The following DDX4 variants were observed in gnomAD, a reference collection of about 807,000 sequenced individuals.
The protein encoded by DDX4 is probable ATP-dependent RNA helicase DDX4.
Under a neutral mutation model 100.0 loss-of-function variants are expected in DDX4, and 25 were observed. That is an observed-to-expected ratio of 0.25 (90% CI 0.18 to 0.35). The LOEUF is 0.35. Ranked by LOEUF, DDX4 falls within the 10% of genes least tolerant of loss-of-function variation. DDX4 has a pLI of 1.00. For synonymous variants in DDX4, 259 were observed against 275.7 expected (o/e 0.94, Z 0.60); for missense variants, 635 against 882.4 (o/e 0.72, Z 3.55).
intron 18 of DDX4, among the ~76,000 whole-genome samples, chr5:55,804,208 G>A (rs1580601630): frequency 6.6e-6 from 1 of 152,184 alleles, no homozygotes; most frequent in South Asian, 2.1e-4. Context: ...GTTCATTGTA[G>A]ATTCTGGATA....
At chr5:55,771,059 T>C (rs1453522266) in intron 7 of DDX4, among the ~76,000 whole-genome samples, 1 of 152,196 alleles carries the variant, frequency 6.6e-6, no homozygotes, top group African/African-American at 2.4e-5. Context: ...CTGATTTCCA[T>C]TCTCTGTAGA....
chr5:55,813,548 T>G, intron 18 of DDX4, 125 bp from the exon 19 acceptor site: 2 of 1,299,130 alleles, frequency 1.5e-6, no homozygotes, highest in Non-Finnish European at 1.0e-6. Context: ...CAGGCTTGGC[T>G]GTGGTGCTGG....
At chr5:55,741,484 G>C (rs945686245) in intron 2 of DDX4, among the ~76,000 whole-genome samples, 1 of 152,126 alleles carries the variant, frequency 6.6e-6, no homozygotes, top group African/African-American at 2.4e-5. Flanking sequence ...TGCCTTCCTA[G>C]GTTGAATAAA....
rs1296920384 is a variant in DDX4, at chr5:55,763,268, T to C, written c.283+16T>C. On this transcript the variant is annotated intron_variant, in intron 5 of 21. Coordinates refer to ENST00000505374, the MANE Select transcript of DDX4 (RefSeq NM_024415.3). ...GGAAACAGAGGTAATTACTTGGTTATGATATCTTACAATCAAAACTTGAGT... is the reference window on the plus strand; with the variant it reads ...GGAAACAGAGGTAATTACTTGGTTACGATATCTTACAATCAAAACTTGAGT... 3.3e-6 allele frequency: 5 copies of C among 1,518,654 alleles called. No homozygotes were observed. Among genetic ancestry groups the C allele is most frequent in the East Asian group, 4.5e-5 (2 of 44,288 alleles). 94.1% of individuals were successfully genotyped at this position (1,518,654 alleles called of 1,614,324 possible).
chr5:55,796,819 C>CTTCCTT (rs1742975921), intron 17 of DDX4, among the ~76,000 whole-genome samples: 1 of 63,452 alleles, frequency 1.6e-5, no homozygotes, highest in Non-Finnish European at 3.6e-5. Context: ...TTTTTTCTTT[C>CTTCCTT]TTTCTTTTTT....
intron 6 of DDX4, among the ~76,000 whole-genome samples, chr5:55,766,596 G>A (rs1433665710): frequency 6.6e-6 from 1 of 152,068 alleles, no homozygotes; most frequent in African/African-American, 2.4e-5. Flanking sequence ...AGGATTGTTT[G>A]TCAGTTGTCA....
At chr5:55,782,333 G>A (rs1018467711) in intron 10 of DDX4, 4 of 198,796 alleles carry the variant, frequency 2.0e-5, no homozygotes, top group Non-Finnish European at 4.2e-5. Context: ...GTCCGGGTGC[G>A]GTGGCTCATG....
intron 6 of DDX4, among the ~76,000 whole-genome samples, chr5:55,767,336 T>C (rs1365994741): frequency 6.6e-6 from 1 of 152,024 alleles, no homozygotes; most frequent in Non-Finnish European, 1.5e-5. Flanking sequence ...AGCTACTCGG[T>C]AGGCTGAGGT....
intron 3 of DDX4, among the ~76,000 whole-genome samples, chr5:55,755,949 C>T (rs947165914): frequency 6.6e-6 from 1 of 152,096 alleles, no homozygotes; most frequent in African/African-American, 2.4e-5. Flanking sequence ...TTTCTAACAG[C>T]ATAGATCAGT....
At chr5:55,738,916 G>A (rs1349912872) in intron 1 of DDX4, 34 bp from the exon 2 acceptor site, 3 of 1,131,826 alleles carry the variant, frequency 2.7e-6, no homozygotes, top group East Asian at 4.7e-5. Flanking sequence ...ATCTAATTGA[G>A]TCCAAATGTG....
rs1002229728 is a variant in DDX4 at position 55,816,793 on chromosome 5, A to G, written c.*253A>G. 8 of 497,744 alleles carry G rather than the reference A, an allele frequency of 1.6e-5. No homozygotes were observed. The highest frequency in any genetic ancestry group is 1.2e-4 in the African/African-American group (6 of 50,740). 30.8% of individuals were successfully genotyped at this position (497,744 alleles called of 1,614,324 possible). Reference sequence around the variant, plus strand: ...TCTAAATGTCTTTCTTATTTCTGGTATATTCTTTAGGGGGCTTAGACATGT... The same window carrying G: ...TCTAAATGTCTTTCTTATTTCTGGTGTATTCTTTAGGGGGCTTAGACATGT... On this transcript the variant is annotated 3_prime_UTR_variant, in exon 22 of 22. Coordinates refer to ENST00000505374, the MANE Select transcript of DDX4 (RefSeq NM_024415.3).
At chr5:55,753,263 T>A (rs1171230396) in intron 3 of DDX4, among the ~76,000 whole-genome samples, 1 of 152,228 alleles carries the variant, frequency 6.6e-6, no homozygotes, top group Non-Finnish European at 1.5e-5. Flanking sequence ...ATGTCCTGAA[T>A]GGTAATGCCT....
chr5:55,741,883 C>A (rs761251845), intron 2 of DDX4, among the ~76,000 whole-genome samples: 1 of 151,932 alleles, frequency 6.6e-6, no homozygotes, highest in South Asian at 2.1e-4. Flanking sequence ...TTAAAGACAC[C>A]ATTTTGATTT....
intron 7 of DDX4, among the ~76,000 whole-genome samples, chr5:55,778,819 T>C (rs938442079): frequency 6.6e-6 from 1 of 151,550 alleles, no homozygotes; most frequent in Non-Finnish European, 1.5e-5. Flanking sequence ...GCTTGGACTC[T>C]GGAGGCAGAG....
Position 55,817,023 on chromosome 5 carries a change from T to C in DDX4, c.*483T>C, listed in dbSNP as rs1278228817. 2 of 152,734 alleles carry C rather than the reference T, an allele frequency of 1.3e-5. No individual in the cohort carries two copies. Among genetic ancestry groups the C allele is most frequent in the African/African-American group, 4.8e-5 (2 of 41,458 alleles). 9.5% of individuals were successfully genotyped at this position (152,734 alleles called of 1,614,324 possible). On this transcript the variant is annotated 3_prime_UTR_variant, in exon 22 of 22. Transcript: ENST00000505374. ...CAAAGTGATTTTGATTTTTAGATCA[T>C]CAGATGTATGATGAAAATGGTTAAA...
chr5:55,777,725 C>G (rs559614657), intron 7 of DDX4: 1 of 152,312 alleles, frequency 6.6e-6, no homozygotes, highest in Admixed American at 6.5e-5. Flanking sequence ...CCTGCACATC[C>G]TGCACACGTA....
rs72761926 is a variant in DDX4 at position 55,771,654 on chromosome 5, C to T, written c.394+3714C>T. Among the ~76,000 whole-genome samples, 1,198 of 152,276 alleles carry T rather than the reference C, an allele frequency of 7.9e-3. 10 individuals carry two copies. The highest frequency in any genetic ancestry group is 0.014 in the Non-Finnish European group (980 of 68,022). On this transcript the variant is annotated intron_variant, in intron 7 of 21. Coordinates refer to ENST00000505374, the MANE Select transcript of DDX4 (RefSeq NM_024415.3). ...CTTTAATAGTATTGTCAAATGTTTT[C>T]AGCGTTTAAACTAAGATACACTCAC...
intron 14 of DDX4, 66 bp from the exon 15 acceptor site, chr5:55,787,780 A>G: frequency 6.5e-7 from 1 of 1,543,254 alleles, no homozygotes; most frequent in Non-Finnish European, 8.7e-7. Flanking sequence ...GGACATGAGG[A>G]TTAGCTTTCC....
intron 19 of DDX4, among the ~76,000 whole-genome samples, chr5:55,814,303 T>C (rs1744269829): frequency 6.6e-6 from 1 of 152,236 alleles, no homozygotes; most frequent in Non-Finnish European, 1.5e-5. Context: ...GCATAGAGAT[T>C]ATAATAGGAT....
Sources: gnomAD v4.1 joint callset for allele counts (sites outside exome capture counted in the v4.1 genomes callset) on GRCh38, gnomAD v4.1.1 for gene constraint, MANE v1.5 for transcripts, NCBI Gene and HGNC (gene_info 2026-07-23, HGNC 2026-07-21) for gene names.